HPSE2: variants seen among roughly 807,000 people sequenced by gnomAD.
HPSE2 encodes the protein inactive heparanase-2.
Under a neutral mutation model 60.5 loss-of-function variants are expected in HPSE2, and 38 were observed. The ratio of observed to expected loss-of-function variants is 0.63; its 90% CI spans 0.48 to 0.82. The LOEUF (loss-of-function observed/expected upper bound fraction) is 0.82, where lower values mean the gene tolerates loss of function less well. Among genes scored for constraint, HPSE2 ranks in the 40% least tolerant of loss-of-function variants. HPSE2 has a pLI of 0.00. For synonymous variants in HPSE2, 295 were observed against 293.2 expected, an observed-to-expected ratio of 1.01 and a Z score of -0.06; for missense variants, 713 against 740.4, an observed-to-expected ratio of 0.96 and a Z score of 0.43.
intron 3 of HPSE2, among the ~76,000 whole-genome samples, chr10:98,818,930 C>A (rs1008680312): frequency 1.4e-4 from 21 of 152,170 alleles, no homozygotes; most frequent in African/African-American, 5.1e-4. Context: ...TTAGCCTAAA[C>A]AATTTGTAAG....
At chr10:99,124,097 C>T (rs557042603) in intron 3 of HPSE2, among the ~76,000 whole-genome samples, 3 of 152,060 alleles carry the variant, frequency 2.0e-5, no homozygotes, top group Admixed American at 6.6e-5. Context: ...GTTGAGGCTG[C>T]GCCTGGGCAC....
chr10:98,492,473 G>A (rs1941685315), intron 9 of HPSE2, among the ~76,000 whole-genome samples: 1 of 141,382 alleles, frequency 7.1e-6, no homozygotes, highest in Non-Finnish European at 1.5e-5. Flanking sequence ...CTGCACTCCA[G>A]CCTGGGCAAC....
chr10:98,482,803 G>C (rs1941293735), intron 10 of HPSE2, 21 bp from the exon 11 acceptor site: 2 of 1,613,718 alleles, frequency 1.2e-6, no homozygotes, highest in Admixed American at 1.7e-5. Context: ...GAGAAAGAGA[G>C]AAGTGAAAGA....
chr10:99,265,368 G>A, the HPSE2 span, among the ~76,000 whole-genome samples: 1 of 152,104 alleles, frequency 6.6e-6, no homozygotes, highest in Non-Finnish European at 1.5e-5. Flanking sequence ...GTCTCTTCAC[G>A]TGGACATGCA....
At chr10:98,553,482 C>A (rs1589412385) in intron 9 of HPSE2, among the ~76,000 whole-genome samples, 1 of 152,210 alleles carries the variant, frequency 6.6e-6, no homozygotes, top group Non-Finnish European at 1.5e-5. Context: ...CATGCTCAGA[C>A]ATGCATCATT....
chr10:98,481,998 C>T (rs777109457), intron 11 of HPSE2, among the ~76,000 whole-genome samples: 8 of 152,054 alleles, frequency 5.3e-5, no homozygotes, highest in East Asian at 1.9e-4. Context: ...GTCACAGAAT[C>T]GTTTATTTGT....
chr10:98,736,723 A>G (rs577560732), intron 4 of HPSE2, among the ~76,000 whole-genome samples: 1 of 152,300 alleles, frequency 6.6e-6, no homozygotes, highest in South Asian at 2.1e-4. Flanking sequence ...AATAGTTTTA[A>G]GTTTATCCTA....
chr10:99,036,690 T>C (rs555841948), intron 3 of HPSE2, among the ~76,000 whole-genome samples: 16 of 152,290 alleles, frequency 1.1e-4, no homozygotes, highest in South Asian at 2.1e-4. Context: ...GGTCCACAAA[T>C]GCATGCTTAA....
chr10:99,073,772 T>C (rs1301769493), intron 3 of HPSE2, among the ~76,000 whole-genome samples: 1 of 152,222 alleles, frequency 6.6e-6, no homozygotes, highest in African/African-American at 2.4e-5. Flanking sequence ...ACCTCCTTAG[T>C]CAAGTTTATT....
intron 6 of HPSE2, among the ~76,000 whole-genome samples, chr10:98,668,272 A>G (rs1056977546): frequency 2.2e-4 from 34 of 152,336 alleles, no homozygotes; most frequent in African/African-American, 7.5e-4. Context: ...AATTACACAA[A>G]TAAATAGAAA....
chr10:98,584,375 C>A (rs1944884450), intron 9 of HPSE2, among the ~76,000 whole-genome samples: 1 of 152,162 alleles, frequency 6.6e-6, no homozygotes, highest in African/African-American at 2.4e-5. Flanking sequence ...TATAGCCACA[C>A]CTCTTACTGT....
At chr10:98,641,798 G>T in intron 7 of HPSE2, 49 bp downstream of exon 7, 1 of 1,382,532 alleles carries the variant, frequency 7.2e-7, no homozygotes, top group Non-Finnish European at 1.0e-6. Context: ...CTTTTTCCTT[G>T]TCTTACCCCC....
At chr10:99,021,942 G>A (rs1360525170) in intron 3 of HPSE2, among the ~76,000 whole-genome samples, 1 of 151,620 alleles carries the variant, frequency 6.6e-6, no homozygotes, top group Non-Finnish European at 1.5e-5. Context: ...TGCACAACAT[G>A]CAGGTTTGTT....
chr10:98,508,712 G>A (rs78229944), intron 9 of HPSE2, among the ~76,000 whole-genome samples: 5,333 of 152,252 alleles, frequency 0.035, 139 homozygotes, highest in Middle Eastern at 0.099. Context: ...TTGAGGAAAA[G>A]AAGGGAGGGG....
intron 3 of HPSE2, among the ~76,000 whole-genome samples, chr10:99,049,909 A>C (rs1957950134): frequency 6.6e-6 from 1 of 152,234 alleles, no homozygotes. Context: ...AAAAATGAAC[A>C]GTCCAATTAA....
At chr10:99,021,120 A>G (rs923683447) in intron 3 of HPSE2, among the ~76,000 whole-genome samples, 8 of 152,192 alleles carry the variant, frequency 5.3e-5, no homozygotes, top group African/African-American at 1.9e-4. Flanking sequence ...ACCTGTCTCC[A>G]TAGGAGAGAA....
intron 3 of HPSE2, among the ~76,000 whole-genome samples, chr10:98,876,236 A>C (rs1200396400): frequency 1.3e-5 from 2 of 151,952 alleles, no homozygotes; most frequent in African/African-American, 4.8e-5. Context: ...AAGTAAAAAA[A>C]AAGTGGTCAA....
At chr10:98,862,465 T>C (rs1056528825) in intron 3 of HPSE2, among the ~76,000 whole-genome samples, 1 of 152,206 alleles carries the variant, frequency 6.6e-6, no homozygotes, top group Non-Finnish European at 1.5e-5. Context: ...ATACTTGTCC[T>C]ATCTCATGGT....
At chr10:98,706,668 G>C (rs1374758237) in intron 5 of HPSE2, among the ~76,000 whole-genome samples, 1 of 152,188 alleles carries the variant, frequency 6.6e-6, no homozygotes, top group Non-Finnish European at 1.5e-5. Flanking sequence ...GATTTTGCCA[G>C]GAGGAGCAGC....
Sources: allele counts gnomAD v4.1 joint callset (sites outside exome capture counted in the v4.1 genomes callset), GRCh38; gene constraint gnomAD v4.1.1; transcripts MANE v1.5; gene names NCBI Gene and HGNC (gene_info 2026-07-23, HGNC 2026-07-21).